The following NCKAP5 variants were observed in gnomAD, a reference collection of about 807,000 sequenced individuals.
NCKAP5 encodes the protein NCK associated protein 5.
In NCKAP5, 92 loss-of-function variants were observed where a neutral mutation model predicts 167.0. The observed-to-expected ratio is 0.55, with a 90% CI of 0.47 to 0.66. NCKAP5 has a LOEUF of 0.66. NCKAP5 is among the 30% of genes least tolerant of loss of function. The pLI is 0.00. For missense variants in NCKAP5, 2,378 were observed against 2,315.0 expected, an observed-to-expected ratio of 1.03 and a Z score of -0.56; for synonymous variants, 891 against 877.4, an observed-to-expected ratio of 1.02 and a Z score of -0.27.
intron 11 of NCKAP5, among the ~76,000 whole-genome samples, chr2:132,849,191 C>T (rs968816473): frequency 6.6e-6 from 1 of 151,964 alleles, no homozygotes; most frequent in Non-Finnish European, 1.5e-5. Context: ...AGGGAGAAAA[C>T]CTACTGTCTT....
chr2:132,771,678 G>GC (rs1553433554), intron 16 of NCKAP5, among the ~76,000 whole-genome samples: 10,644 of 142,784 alleles, frequency 0.075, 474 homozygotes, highest in Non-Finnish European at 0.11. Flanking sequence ...GATGCTAATT[G>GC]TTTTTTTTTT....
At chr2:133,122,983 CAG>C (rs2082294942) in intron 6 of NCKAP5, 1 of 152,094 alleles carries the variant, frequency 6.6e-6, no homozygotes, top group Non-Finnish European at 1.5e-5. Context: ...ATTACTTAAC[CAG>C]AGTTATTAAG....
intron 11 of NCKAP5, among the ~76,000 whole-genome samples, chr2:132,853,308 G>C (rs1839000): frequency 6.6e-6 from 1 of 152,054 alleles, no homozygotes; most frequent in Admixed American, 6.6e-5. Flanking sequence ...AAGCTATGGC[G>C]ACATCTAGCT....
Position 132,672,496 on chromosome 2 carries a change from G to T in NCKAP5, c.*793C>A, listed in dbSNP as rs898467533. On this transcript the variant is annotated 3_prime_UTR_variant, in exon 20 of 20. Coordinates refer to ENST00000409261, the MANE Select transcript of NCKAP5 (RefSeq NM_207363.3). The stretch of plus-strand genomic sequence containing the variant: ...AAAATGAACATTTCCATCAAATTGA[G>T]ATTTGTGAGATGGAGATGAGGAGGA... The T allele has an allele frequency of 7.2e-5, 11 of 152,356 alleles. No homozygotes were observed. The highest frequency in any genetic ancestry group is 2.6e-4 in the African/African-American group (11 of 41,568). The allele number at this position is 152,356 out of a possible 1,614,324, so 9.4% of individuals were successfully genotyped here. A position where few individuals can be genotyped will look rare whatever the true frequency, so the allele number is the denominator to read the frequency against.
At chr2:132,904,040 GC>G (rs1395750602) in intron 8 of NCKAP5, among the ~76,000 whole-genome samples, 1 of 152,106 alleles carries the variant, frequency 6.6e-6, no homozygotes, top group Admixed American at 6.6e-5. Flanking sequence ...TGTAATCCCA[GC>G]ACTTTGGGAG....
chr2:132,973,403 C>T (rs2076890434), intron 7 of NCKAP5, among the ~76,000 whole-genome samples: 1 of 152,154 alleles, frequency 6.6e-6, no homozygotes, highest in South Asian at 2.1e-4. Flanking sequence ...AATCTGCATT[C>T]CCTCCTAGCT....
In NCKAP5 at chr2:132,845,053, G is replaced by A. The variant is rs1190511747; in HGVS notation, c.807+15439C>T. Among the ~76,000 whole-genome samples, 5 of 152,168 alleles carry A rather than the reference G, an allele frequency of 3.3e-5. No individual in the cohort carries two copies. The South Asian group carries it at 1.0e-3, about 32-fold the overall frequency. On this transcript the variant is annotated intron_variant, in intron 11 of 19. Transcript: ENST00000409261. Reference sequence around the variant, plus strand: ...ATCTTGTGTTTTAATATGCTAACTGGCTGGTAGTGAGGTGAGTGTCTTTCA... The same window carrying A: ...ATCTTGTGTTTTAATATGCTAACTGACTGGTAGTGAGGTGAGTGTCTTTCA...
chr2:132,779,427 T>C (rs1682830698), intron 15 of NCKAP5, among the ~76,000 whole-genome samples: 1 of 152,106 alleles, frequency 6.6e-6, no homozygotes, highest in East Asian at 1.9e-4. Flanking sequence ...GGATTGAATT[T>C]CCAGCATATT....
intron 3 of NCKAP5, among the ~76,000 whole-genome samples, chr2:133,308,836 G>A (rs1021801265): frequency 1.0e-4 from 15 of 147,330 alleles, no homozygotes; most frequent in Admixed American, 4.8e-4. Flanking sequence ...TCAGCCTCCC[G>A]AGTAGCTGGG....
chr2:133,555,651 CCA>C (rs1242099579), intron 2 of NCKAP5, among the ~76,000 whole-genome samples: 8 of 152,212 alleles, frequency 5.3e-5, no homozygotes, highest in Non-Finnish European at 8.8e-5. Context: ...AATTAAAATA[CCA>C]CACTTCCTTT....
chr2:133,539,009 C>T lies in NCKAP5; in HGVS notation c.-62+20041G>A, dbSNP rs568017235. Among the ~76,000 whole-genome samples the T allele has an allele frequency of 9.5e-5, 13 of 136,940 alleles. 1 individual carries two copies. The South Asian group carries it at 2.4e-3, about 25-fold the overall frequency. The allele number at this position is 136,940 out of a possible 152,430, so 89.8% of individuals were successfully genotyped here. A position where few individuals can be genotyped will look rare whatever the true frequency, so the allele number is the denominator to read the frequency against. On this transcript the variant is annotated intron_variant, in intron 2 of 19. Transcript: ENST00000409261. ...AGGCTGGAGTGCAGTGGCGCGATCTCGACTCACTGCAAGCTCCGCCTCCCG... is the reference window on the plus strand; with the variant it reads ...AGGCTGGAGTGCAGTGGCGCGATCTTGACTCACTGCAAGCTCCGCCTCCCG...
chr2:132,930,979 A>G (rs906120007), intron 8 of NCKAP5: 4 of 152,232 alleles, frequency 2.6e-5, no homozygotes, highest in Non-Finnish European at 5.9e-5. Flanking sequence ...CAGTAAGTAG[A>G]AAGCCAAAAT....
the NCKAP5 span, among the ~76,000 whole-genome samples, chr2:133,581,276 AAG>A: frequency 6.6e-6 from 1 of 152,212 alleles, no homozygotes; most frequent in Non-Finnish European, 1.5e-5. Context: ...TTATGCTGGT[AAG>A]ACAGGGCCAG....
Position 132,785,141 on chromosome 2 carries a change from G to A in NCKAP5, c.1670C>T (p.Pro557Leu). 6.2e-7 allele frequency: 1 copy of A among 1,611,844 alleles called. No homozygotes were observed. The highest frequency in any genetic ancestry group is 1.7e-4 in the Middle Eastern group (1 of 6,030). Residue 557 changes from proline to leucine, a missense_variant, in exon 14 of 20, where the codon CCT (proline) becomes CTT (leucine). Pro to Leu is a moderately conservative substitution (Grantham distance 98). Around this residue, in one of 3 missense-constraint regions of NCKAP5, gnomAD observed 1,049 missense variants for 1,023.4 expected, o/e 1.02. Coordinates refer to ENST00000409261, the MANE Select transcript of NCKAP5 (RefSeq NM_207363.3). The part of the protein sequence containing the change: ...EMKLCPSVQT[P>L]QVQRERGPQG... Reference sequence around the variant, plus strand: ...TGGGCCCCTCTCCCTCTGTACCTGAGGCGTCTGCACACTTGGGCACAGCTT... The same window carrying A: ...TGGGCCCCTCTCCCTCTGTACCTGAAGCGTCTGCACACTTGGGCACAGCTT...
Position 132,731,730 on chromosome 2 carries a change from ATT to A in NCKAP5, c.5443+5_5443+6del. 6.4e-7 allele frequency: 1 copy of A among 1,566,016 alleles called. No individual in the cohort carries two copies. Among genetic ancestry groups the A allele is most frequent in the African/African-American group, 1.4e-5 (1 of 73,292 alleles). On this transcript the variant is annotated splice_donor_5th_base_variant and intron_variant, in intron 17 of 19. Coordinates refer to ENST00000409261, the MANE Select transcript of NCKAP5 (RefSeq NM_207363.3). ...GTCTTATTAAGGGTGGGAAATTGGC[ATT>A]TTACCTGAGGAAGCTGGTTTGGGGA...
intron 6 of NCKAP5, among the ~76,000 whole-genome samples, chr2:133,015,882 C>T (rs968728124): frequency 1.3e-5 from 2 of 152,068 alleles, no homozygotes; most frequent in African/African-American, 4.8e-5. Flanking sequence ...AGAGCTTTTC[C>T]AGAACTGAAA....
At chr2:133,561,655 AAG>A (rs749760571) in intron 1 of NCKAP5, among the ~76,000 whole-genome samples, 19 of 152,342 alleles carry the variant, frequency 1.2e-4, no homozygotes, top group Non-Finnish European at 2.2e-4. Flanking sequence ...ATGAGAATAA[AAG>A]AAACATTGGA....
chr2:132,936,785 G>T (rs1028614752), intron 8 of NCKAP5, among the ~76,000 whole-genome samples: 2 of 152,088 alleles, frequency 1.3e-5, no homozygotes, highest in African/African-American at 4.8e-5. Context: ...CTTTTTTATA[G>T]TTTCTATTTA....
intron 5 of NCKAP5, among the ~76,000 whole-genome samples, chr2:133,144,720 C>T (rs186771845): frequency 6.6e-5 from 10 of 152,224 alleles, no homozygotes; most frequent in Admixed American, 6.5e-4. Context: ...TGTACAGAGG[C>T]ACCTGCGTTG....
Sources: gnomAD v4.1 joint callset for allele counts (sites outside exome capture counted in the v4.1 genomes callset) on GRCh38, gnomAD v4.1.1 for gene constraint, gnomAD v4.1.1 regional missense constraint, MANE v1.5 for transcripts, NCBI Gene and HGNC (gene_info 2026-07-23, HGNC 2026-07-21) for gene names.